Variants in TMPRSS15 observed in about 807,000 individuals in gnomAD.
The protein encoded by TMPRSS15 is transmembrane serine protease 15.
TMPRSS15 carries 128 observed loss-of-function variants against 125.3 expected under a neutral mutation model. The observed-to-expected ratio is 1.02, with a 90% confidence interval of 0.89 to 1.18. The LOEUF (loss-of-function observed/expected upper bound fraction) is 1.18, where lower values mean the gene tolerates loss of function less well. Ranked by LOEUF, TMPRSS15 falls within the 50% of genes most tolerant of loss-of-function variation. The pLI is 0.00. For missense variants in TMPRSS15, 1,283 were observed against 1,212.7 expected, an observed-to-expected ratio of 1.06 and a Z score of -0.86; for synonymous variants, 446 against 423.2, an observed-to-expected ratio of 1.05 and a Z score of -0.66.
At chr21:18,333,339 A>G (rs2075362708) in intron 13 of TMPRSS15, among the ~76,000 whole-genome samples, 1 of 152,342 alleles carries the variant, frequency 6.6e-6, no homozygotes, top group Non-Finnish European at 1.5e-5. Context: ...AGAAAGCAAG[A>G]TAGTGCACAG....
intron 1 of TMPRSS15, among the ~76,000 whole-genome samples, chr21:18,418,814 A>G (rs536733883): frequency 9.8e-5 from 15 of 152,374 alleles, no homozygotes; most frequent in African/African-American, 3.6e-4. Flanking sequence ...CCTCTTTGTG[A>G]CAATGGCTGT....
chr21:18,324,996 A>C (rs538740221), intron 16 of TMPRSS15, among the ~76,000 whole-genome samples: 1 of 152,328 alleles, frequency 6.6e-6, no homozygotes. Context: ...ATTCAATTCA[A>C]GATGACATTT....
intron 5 of TMPRSS15, among the ~76,000 whole-genome samples, chr21:18,378,578 T>C (rs927218098): frequency 3.3e-5 from 5 of 152,146 alleles, no homozygotes; most frequent in African/African-American, 1.2e-4. Flanking sequence ...TAATATTTGA[T>C]GTAAATTTTA....
At chr21:18,387,715 G>A (rs2075957763) in intron 3 of TMPRSS15, among the ~76,000 whole-genome samples, 1 of 151,522 alleles carries the variant, frequency 6.6e-6, no homozygotes, top group African/African-American at 2.4e-5. Context: ...TATTGTGAAA[G>A]TAAGAGAAAA....
intron 1 of TMPRSS15, among the ~76,000 whole-genome samples, chr21:18,415,394 T>C (rs951391134): frequency 1.3e-5 from 2 of 152,156 alleles, no homozygotes; most frequent in Admixed American, 6.5e-5. Flanking sequence ...TTATGTTCTA[T>C]GATTTTAGTG....
chr21:18,280,171 C>G (rs2074674299), intron 22 of TMPRSS15, among the ~76,000 whole-genome samples: 1 of 152,112 alleles, frequency 6.6e-6, no homozygotes. Flanking sequence ...TGAGCAGAGC[C>G]CTTCATGATA....
At position 18,459,732 on chromosome 21, in the gene TMPRSS15, G is replaced by A. The variant is rs114983770; in HGVS notation, c.10+26067C>T. On this transcript the variant is annotated intron_variant, in intron 1 of 7. Coordinates refer to the TMPRSS15 transcript ENST00000422787. The stretch of plus-strand genomic sequence containing the variant: ...TACAATTGACTTGTCAAAGTATGCT[G>A]GTATTTTCATGGGAATTGTTTTAAA... Among the ~76,000 whole-genome samples, 323 of 152,158 alleles carry A rather than the reference G, an allele frequency of 2.1e-3. 2 individuals are homozygous for A. The highest frequency in any genetic ancestry group is 7.4e-3 in the African/African-American group (306 of 41,524).
intron 1 of TMPRSS15, among the ~76,000 whole-genome samples, chr21:18,400,271 A>C (rs1197244549): frequency 1.3e-5 from 2 of 152,202 alleles, no homozygotes; most frequent in Non-Finnish European, 2.9e-5. Flanking sequence ...TAGTCAAAGC[A>C]ATCCTAAGCT....
Position 18,273,057 on chromosome 21 carries a change from C to T in TMPRSS15, c.2904+2140G>A, listed in dbSNP as rs534653138. Among the ~76,000 whole-genome samples the T allele has an allele frequency of 3.3e-5, 5 of 152,262 alleles. No individual in the cohort carries two copies. The East Asian group carries it at 9.7e-4, about 29-fold the overall frequency. On this transcript the variant is annotated intron_variant, in intron 24 of 24. Transcript: ENST00000284885. ...TGATAATTTGCATTTCTAGCAGGTT[C>T]TCAGGTGGTGCTGCTGGACTGGAGG...
chr21:18,275,167 AAGGTAC>A, intron 24 of TMPRSS15, 24 bp downstream of exon 24: 1 of 1,612,114 alleles, frequency 6.2e-7, no homozygotes, highest in Non-Finnish European at 8.5e-7. Context: ...GCTTTCTGAA[AAGGTAC>A]AGTGAGCAGT....
intron 1 of TMPRSS15, among the ~76,000 whole-genome samples, chr21:18,436,397 G>C (rs1026390110): frequency 6.6e-6 from 1 of 152,234 alleles, no homozygotes; most frequent in Admixed American, 6.5e-5. Flanking sequence ...GTACCCAGTA[G>C]TCATTCAGGA....
chr21:18,362,633 G>C (rs766981874), intron 7 of TMPRSS15, among the ~76,000 whole-genome samples: 4 of 152,032 alleles, frequency 2.6e-5, no homozygotes, highest in Non-Finnish European at 5.9e-5. Context: ...ATTTTTTGAA[G>C]GGATTAAATT....
chr21:18,319,986 G>GA (rs916702924), intron 16 of TMPRSS15, among the ~76,000 whole-genome samples: 4 of 152,240 alleles, frequency 2.6e-5, no homozygotes, highest in African/African-American at 9.6e-5. Context: ...TATACCATGA[G>GA]AAAATCTGGT....
chr21:18,401,077 C>T (rs965514027), intron 1 of TMPRSS15, among the ~76,000 whole-genome samples: 1 of 152,064 alleles, frequency 6.6e-6, no homozygotes, highest in African/African-American at 2.4e-5. Flanking sequence ...AATCGAAAAA[C>T]AACAGATGTT....
At chr21:18,344,993 A>T (rs1028757742) in intron 10 of TMPRSS15, among the ~76,000 whole-genome samples, 4 of 152,204 alleles carry the variant, frequency 2.6e-5, no homozygotes, top group Non-Finnish European at 5.9e-5. Flanking sequence ...TATAAACTTT[A>T]AACTCATTCA....
chr21:18,470,757 G>T (rs184243057), intron 1 of TMPRSS15, among the ~76,000 whole-genome samples: 2 of 151,982 alleles, frequency 1.3e-5, no homozygotes, highest in Non-Finnish European at 2.9e-5. Flanking sequence ...ATGGGAGATA[G>T]AGAAGGCATA....
Position 18,372,242 on chromosome 21 carries a change from A to G in TMPRSS15, c.615T>C (p.Asp205=), listed in dbSNP as rs1161576985. The G allele has an allele frequency of 6.2e-7, 1 of 1,613,138 alleles. No homozygotes were observed. Among genetic ancestry groups the G allele is most frequent in the East Asian group, 2.2e-5 (1 of 44,770 alleles). ...LTCIKADLFC[D]GEVNCPDGSD... is the part of the protein sequence containing the mutation. ...AACCATCTGGACAGTTTACTTCTCC[A>G]TCACAAAATAAATCAGCTTTTATAC... Residue 205 remains aspartate, a synonymous_variant, in exon 6 of 25, where the codon GAT becomes GAC. Transcript: ENST00000284885.
intron 3 of TMPRSS15, among the ~76,000 whole-genome samples, chr21:18,389,965 A>T (rs1307712407): frequency 6.6e-6 from 1 of 152,160 alleles, no homozygotes; most frequent in African/African-American, 2.4e-5. Context: ...TTAATTTGGC[A>T]CGAGTTCATT....
chr21:18,425,712 C>T (rs543173584), intron 1 of TMPRSS15, among the ~76,000 whole-genome samples: 299 of 151,976 alleles, frequency 2.0e-3, no homozygotes, highest in African/African-American at 6.8e-3. Flanking sequence ...TGAATAATAA[C>T]GTAGTGGAAA....
Sources: gnomAD v4.1 joint callset for allele counts (sites outside exome capture counted in the v4.1 genomes callset) on GRCh38, gnomAD v4.1.1 for gene constraint, MANE v1.5 for transcripts, NCBI Gene and HGNC (gene_info 2026-07-23, HGNC 2026-07-21) for gene names.